Variants in BRAP observed in about 807,000 individuals in gnomAD.
BRAP encodes BRCA1-associated protein.
A neutral mutation model predicts 73.4 loss-of-function variants in BRAP; 42 were observed. That is an observed-to-expected ratio of 0.57 (90% confidence interval 0.45 to 0.74). The LOEUF is 0.74. Ranked by LOEUF, BRAP falls within the 30% of genes least tolerant of loss-of-function variation. The pLI is 0.00. For synonymous variants in BRAP, 255 were observed against 267.4 expected, an observed-to-expected ratio of 0.95 and a Z score of 0.45; for missense variants, 593 against 751.4, an observed-to-expected ratio of 0.79 and a Z score of 2.46.
intron 5 of BRAP, among the ~76,000 whole-genome samples, chr12:111,671,806 G>A (rs1413643958): frequency 1.3e-5 from 2 of 151,290 alleles, no homozygotes; most frequent in Non-Finnish European, 2.9e-5. Flanking sequence ...CTGCTTCAGG[G>A]TCCTGAGTAG....
chr12:111,677,301 T>C (rs1278158731), intron 4 of BRAP, among the ~76,000 whole-genome samples: 1 of 152,230 alleles, frequency 6.6e-6, no homozygotes, highest in Non-Finnish European at 1.5e-5. Context: ...CTTATTGCCC[T>C]AGTTGTTAAG....
chr12:111,669,930 G>T, intron 5 of BRAP: 1 of 625,012 alleles, frequency 1.6e-6, no homozygotes, highest in Non-Finnish European at 2.9e-6. Flanking sequence ...AAAAACCCAT[G>T]CTTTCTTTTA....
chr12:111,657,668 A>G (rs1398868351), intron 9 of BRAP, among the ~76,000 whole-genome samples: 1 of 152,102 alleles, frequency 6.6e-6, no homozygotes, highest in Admixed American at 6.5e-5. Flanking sequence ...CCACGAGGTC[A>G]GGAGATCGAG....
intron 4 of BRAP, chr12:111,673,230 C>T (rs780650551): frequency 2.6e-4 from 41 of 155,214 alleles, no homozygotes; most frequent in Non-Finnish European, 4.4e-4. Context: ...TTGGGCTGGG[C>T]GTGGTGGCTC....
chr12:111,647,049 C>A (rs1001195912), intron 11 of BRAP, among the ~76,000 whole-genome samples: 1 of 152,072 alleles, frequency 6.6e-6, no homozygotes, highest in African/African-American at 2.4e-5. Flanking sequence ...GGAGGAGGAT[C>A]ACTTGAGGCT....
At chr12:111,681,507 A>G in intron 3 of BRAP, 130 bp downstream of exon 3, 1 of 711,744 alleles carries the variant, frequency 1.4e-6, no homozygotes, top group Non-Finnish European at 2.2e-6. Flanking sequence ...CTAACATACA[A>G]CAGACAAAAG....
chr12:111,685,595 T>C, intron 1 of BRAP, 116 bp downstream of exon 1: 1 of 1,390,716 alleles, frequency 7.2e-7, no homozygotes, highest in Non-Finnish European at 9.3e-7. Context: ...TACCTCTCCG[T>C]GTCTTCCTGG....
At chr12:111,672,870 G>T in intron 4 of BRAP, 96 bp from the exon 5 acceptor site, 1 of 972,502 alleles carries the variant, frequency 1.0e-6, no homozygotes, top group Non-Finnish European at 1.5e-6. Flanking sequence ...ATTCTCATCA[G>T]CTTTTAAAAT....
intron 7 of BRAP, 109 bp downstream of exon 7, chr12:111,660,484 TAAAATAA>T (rs985541821): frequency 1.1e-5 from 10 of 919,584 alleles, no homozygotes; most frequent in African/African-American, 5.2e-5. Context: ...CCCTGTCTCT[TAAAATAA>T]AAAATAAAAA....
rs774297024 is a variant in BRAP, at chr12:111,681,786, G to T, written c.294C>A (p.Pro98=). The change falls in exon 3 of 12, where the codon CCC becomes CCA. Residue 98 remains proline, a synonymous_variant. Transcript: ENST00000419234. The part of the protein sequence containing the change: ...VEERKSSEAS[P]TAQRSKDHSK... ...TGTGATCTTTACTTCTTTGCGCAGT[G>T]GGGGAGGCTTCTGAAGACTTCCTTT... is the stretch of plus-strand genomic sequence containing the variant. 9 of 1,613,502 alleles carry T rather than the reference G, an allele frequency of 5.6e-6. No individual in the cohort carries two copies. The highest frequency in any genetic ancestry group is 1.1e-5 in the South Asian group (1 of 90,890).
At chr12:111,673,635 T>C (rs1050190353) in intron 4 of BRAP, among the ~76,000 whole-genome samples, 2 of 151,602 alleles carry the variant, frequency 1.3e-5, no homozygotes, top group Non-Finnish European at 2.9e-5. Context: ...ATAATAATAA[T>C]ATATGATAGT....
rs1886910271 is a variant in BRAP at position 111,665,639 on chromosome 12, G to A, written c.896C>T (p.Thr299Met). The A allele has an allele frequency of 3.7e-6, 6 of 1,614,170 alleles. No homozygotes were observed. Among genetic ancestry groups the A allele is most frequent in the African/African-American group, 2.7e-5 (2 of 75,042 alleles). The change falls in exon 6 of 12, where the codon ACG becomes ATG. Residue 299 changes from threonine to methionine, a missense_variant and splice_region_variant. Physicochemically the swap from Thr to Met is moderately conservative, Grantham distance 81. Around this residue, in one of 4 missense-constraint regions of BRAP, gnomAD observed 67 missense variants for 158.0 expected, o/e 0.42. Transcript: ENST00000419234. The surrounding 1 kb of genome is among the most constrained non-coding windows in gnomAD (Gnocchi z 4.3). The part of the protein sequence containing the change: ...SQCLQRWDDT[T>M]CPVCRYCQTP... ...AGAGGGGTTCGGCCCCTGCACTCAC[G>A]TGGTATCGTCCCAGCGCTGTAGACA...
chr12:111,679,471 T>C (rs1592998154), intron 3 of BRAP, 131 bp from the exon 4 acceptor site: 1 of 547,702 alleles, frequency 1.8e-6, no homozygotes, highest in Non-Finnish European at 2.8e-6. Context: ...AACTGTTCTA[T>C]ATTATACCCC....
At chr12:111,685,682 A>G (rs764695592) in intron 1 of BRAP, 29 bp downstream of exon 1, 1 of 1,592,450 alleles carries the variant, frequency 6.3e-7, no homozygotes, top group Non-Finnish European at 8.5e-7. Context: ...ACCCGGCTAC[A>G]GGGAATGCGG....
chr12:111,655,254 C>T (rs1886482707), intron 10 of BRAP, among the ~76,000 whole-genome samples: 2 of 150,938 alleles, frequency 1.3e-5, no homozygotes, highest in Admixed American at 1.3e-4. Flanking sequence ...AAGTGCCTAA[C>T]TCAAATGACA....
chr12:111,664,363 C>T (rs536311696), intron 6 of BRAP, among the ~76,000 whole-genome samples: 2 of 151,934 alleles, frequency 1.3e-5, no homozygotes, highest in East Asian at 3.9e-4. Flanking sequence ...TGGCGGGGAA[C>T]AAAGAATTGC....
chr12:111,673,822 G>C (rs1887269186), intron 4 of BRAP, among the ~76,000 whole-genome samples: 1 of 152,132 alleles, frequency 6.6e-6, no homozygotes, highest in South Asian at 2.1e-4. Flanking sequence ...CAGTCCCTTT[G>C]AGGCAAAGCT....
intron 10 of BRAP, 135 bp from the exon 11 acceptor site, chr12:111,650,177 G>T: frequency 2.1e-6 from 1 of 480,394 alleles, no homozygotes; most frequent in Non-Finnish European, 3.6e-6. Context: ...GTGAGATATG[G>T]CAGTTTCCAG....
chr12:111,682,990 C>T (rs562257195), intron 2 of BRAP, among the ~76,000 whole-genome samples, 156 bp downstream of exon 2: 70 of 152,218 alleles, frequency 4.6e-4, no homozygotes, highest in Middle Eastern at 3.4e-3. Context: ...TTTGGAAACA[C>T]TAACATGTGG....
Sources: allele counts gnomAD v4.1 joint callset (sites outside exome capture counted in the v4.1 genomes callset), GRCh38; gene constraint gnomAD v4.1.1; regional missense constraint gnomAD v4.1.1; non-coding constraint Gnocchi (gnomAD v3.1); transcripts MANE v1.5; gene names NCBI Gene and HGNC (gene_info 2026-07-23, HGNC 2026-07-21).